CBFA2T2: variants seen among roughly 807,000 people sequenced by gnomAD.
The protein encoded by CBFA2T2 is CBFA2/RUNX1 partner transcriptional co-repressor 2.
In CBFA2T2, 11 loss-of-function variants were observed where a neutral mutation model predicts 62.2. The ratio of observed to expected loss-of-function variants is 0.18; its 90% CI spans 0.11 to 0.29. The LOEUF is 0.29. Ranked by LOEUF, CBFA2T2 falls within the 10% of genes least tolerant of loss-of-function variation. The pLI is 1.00. For synonymous variants in CBFA2T2, 295 were observed against 287.5 expected (o/e 1.03, Z -0.27); for missense variants, 592 against 774.1 (o/e 0.76, Z 2.79).
intron 1 of CBFA2T2, among the ~76,000 whole-genome samples, chr20:33,559,458 TC>T (rs1191521294): frequency 6.6e-6 from 1 of 151,846 alleles, no homozygotes; most frequent in African/African-American, 2.4e-5. Context: ...ACAGGTGTGA[TC>T]CACCACTCCT....
intron 1 of CBFA2T2, among the ~76,000 whole-genome samples, chr20:33,530,140 G>A (rs141865675): frequency 3.8e-4 from 58 of 152,058 alleles, no homozygotes; most frequent in Middle Eastern, 3.4e-3. Flanking sequence ...GTCCAGGCTG[G>A]TCTCGAACTT....
At chr20:33,536,620 G>A (rs1439207612) in intron 1 of CBFA2T2, among the ~76,000 whole-genome samples, 1 of 151,468 alleles carries the variant, frequency 6.6e-6, no homozygotes, top group Admixed American at 6.6e-5. Flanking sequence ...TTCTCAGACG[G>A]GGCGGTTGCC....
intron 1 of CBFA2T2, among the ~76,000 whole-genome samples, chr20:33,565,410 T>A (rs2013268179): frequency 1.3e-5 from 2 of 152,066 alleles, no homozygotes; most frequent in South Asian, 4.2e-4. Context: ...CTAGGAGACA[T>A]GAGTGGGGAG....
intron 1 of CBFA2T2, among the ~76,000 whole-genome samples, chr20:33,576,657 A>G (rs953487709): frequency 8.5e-5 from 13 of 152,292 alleles, no homozygotes; most frequent in Admixed American, 2.6e-4. Context: ...TTCTGGGCAC[A>G]GCCCAGAGTG....
intron 1 of CBFA2T2, among the ~76,000 whole-genome samples, chr20:33,504,581 T>C (rs573256129): frequency 3.2e-4 from 48 of 152,080 alleles, no homozygotes; most frequent in African/African-American, 1.0e-3. Flanking sequence ...TTTTTGTATT[T>C]TTAGTAGAGA....
chr20:33,624,236 T>TAAAAA (rs373462820), intron 5 of CBFA2T2, among the ~76,000 whole-genome samples: 25 of 70,022 alleles, frequency 3.6e-4, no homozygotes, highest in Middle Eastern at 0.01. Context: ...TTTTTAAAAG[T>TAAAAA]AAAAAAAAAA....
In CBFA2T2 at chr20:33,637,670, CT is replaced by C. The variant is rs561146788; in HGVS notation, c.1297+976del. On this transcript the variant is annotated intron_variant, in intron 9 of 10. Transcript: ENST00000342704. ...TTCTTGGAATCATTCCTCACTTTTC[CT>C]TTTTTTTTTTTTTGAGATGGAGTTT... 6.6e-3 allele frequency among the ~76,000 whole-genome samples: 936 copies of C among 141,750 alleles called. 5 individuals carry two copies. Among genetic ancestry groups the C allele is most frequent in the African/African-American group, 0.016 (642 of 38,960 alleles). The allele number at this position is 141,750 out of a possible 152,430, so 93.0% of individuals were successfully genotyped here. A position where few individuals can be genotyped will look rare whatever the true frequency, so the allele number is the denominator to read the frequency against.
intron 1 of CBFA2T2, among the ~76,000 whole-genome samples, chr20:33,592,100 T>C (rs2014671989): frequency 6.6e-6 from 1 of 152,136 alleles, no homozygotes; most frequent in Non-Finnish European, 1.5e-5. Context: ...CAGTGGCTCA[T>C]GCCTGTTATC....
At chr20:33,512,413 G>T (rs962333555) in intron 1 of CBFA2T2, among the ~76,000 whole-genome samples, 2 of 152,106 alleles carry the variant, frequency 1.3e-5, no homozygotes, top group Non-Finnish European at 2.9e-5. Context: ...CTTCTTACTT[G>T]CCAGTCACTG....
At chr20:33,614,962 T>G (rs759185482) in intron 3 of CBFA2T2, among the ~76,000 whole-genome samples, 1 of 152,226 alleles carries the variant, frequency 6.6e-6, no homozygotes, top group Non-Finnish European at 1.5e-5. Flanking sequence ...CTATGTTAAC[T>G]CTTTTTTGTA....
chr20:33,595,336 T>G (rs1445295141), intron 1 of CBFA2T2, among the ~76,000 whole-genome samples: 1 of 151,654 alleles, frequency 6.6e-6, no homozygotes, highest in East Asian at 2.0e-4. Flanking sequence ...CTCAGCCTCC[T>G]GAGTAGCTGG....
At chr20:33,504,530 A>G (rs2011367291) in intron 1 of CBFA2T2, among the ~76,000 whole-genome samples, 2 of 150,082 alleles carry the variant, frequency 1.3e-5, no homozygotes, top group African/African-American at 4.9e-5. Flanking sequence ...CAGTCTGCCG[A>G]GTAGCTGGGA....
chr20:33,560,384 T>C (rs141284541), intron 1 of CBFA2T2, among the ~76,000 whole-genome samples: 48 of 152,352 alleles, frequency 3.2e-4, no homozygotes, highest in African/African-American at 1.1e-3. Flanking sequence ...ACACTAGCTA[T>C]GTGGCATTAA....
At chr20:33,627,404 A>G (rs184278720) in intron 6 of CBFA2T2, among the ~76,000 whole-genome samples, 4,319 of 149,950 alleles carry the variant, frequency 0.029, 90 homozygotes, top group Middle Eastern at 0.052. Flanking sequence ...AAGGGGGGGG[A>G]AAAAAACTGG....
chr20:33,612,700 C>A (rs988938426), intron 3 of CBFA2T2, among the ~76,000 whole-genome samples: 16 of 152,130 alleles, frequency 1.1e-4, no homozygotes, highest in Admixed American at 9.8e-4. Flanking sequence ...TAATTAAATT[C>A]TCAGCTTTAA....
chr20:33,492,855 G>A (rs2011158314), intron 1 of CBFA2T2, among the ~76,000 whole-genome samples: 2 of 151,914 alleles, frequency 1.3e-5, no homozygotes, highest in African/African-American at 2.4e-5. Flanking sequence ...TTCCTAGACA[G>A]TACACTTGGT....
chr20:33,606,814 T>C (rs1219583619), intron 1 of CBFA2T2, 142 bp from the exon 2 acceptor site: 16 of 691,846 alleles, frequency 2.3e-5, no homozygotes, highest in South Asian at 7.1e-5. Flanking sequence ...GATGTTGGGA[T>C]GTGGACATAT....
intron 1 of CBFA2T2, among the ~76,000 whole-genome samples, chr20:33,576,631 A>G (rs555007443): frequency 8.5e-5 from 13 of 152,390 alleles, no homozygotes; most frequent in South Asian, 6.2e-4. Context: ...CCCAACAGGA[A>G]TAACCTCTCC....
intron 8 of CBFA2T2, among the ~76,000 whole-genome samples, chr20:33,630,959 A>G (rs1460888778): frequency 6.6e-6 from 1 of 152,236 alleles, no homozygotes; most frequent in Non-Finnish European, 1.5e-5. Context: ...TAGGTGGAAT[A>G]TCTAGCACAA....
Sources: gnomAD v4.1 joint callset for allele counts (sites outside exome capture counted in the v4.1 genomes callset) on GRCh38, gnomAD v4.1.1 for gene constraint, MANE v1.5 for transcripts, NCBI Gene and HGNC (gene_info 2026-07-23, HGNC 2026-07-21) for gene names.